Variants in ACHE observed in about 807,000 individuals in gnomAD.
The protein encoded by ACHE is acetylcholinesterase (Yt blood group).
ACHE carries 19 observed loss-of-function variants against 53.9 expected under a neutral mutation model. The ratio of observed to expected loss-of-function variants is 0.35; its 90% CI spans 0.25 to 0.52. The LOEUF is 0.52. Among genes scored for constraint, ACHE ranks in the 20% least tolerant of loss-of-function variants. ACHE has a pLI of 0.95. For synonymous variants in ACHE, 392 were observed against 378.1 expected, an observed-to-expected ratio of 1.04 and a Z score of -0.43; for missense variants, 605 against 849.4, an observed-to-expected ratio of 0.71 and a Z score of 3.58.
chr7:100,894,954 G>A (rs1009762473), intron 1 of ACHE, among the ~76,000 whole-genome samples: 10 of 152,100 alleles, frequency 6.6e-5, no homozygotes, highest in Non-Finnish European at 4.4e-5. Flanking sequence ...CGTGCACGCC[G>A]CCGCCGGCGG....
chr7:100,890,341 G>A lies in ACHE; in HGVS notation c.1724-6C>T. On this transcript the variant is annotated splice_polypyrimidine_tract_variant and splice_region_variant and intron_variant, in intron 4 of 4. Transcript: ENST00000241069. The stretch of plus-strand genomic sequence containing the variant: ...CTCCGCCTCGTCGAGCGTGTCTGCG[G>A]CCAGGGCGCCCAGCGAGGCGGGAGG... The A allele has an allele frequency of 6.2e-7, 1 of 1,602,554 alleles. No individual in the cohort carries two copies. The highest frequency in any genetic ancestry group is 1.1e-5 in the South Asian group (1 of 89,576).
In ACHE at chr7:100,892,385, T is replaced by G; in HGVS notation, c.1502A>C (p.Lys501Thr). Residue 501 changes from lysine to threonine, a missense_variant, in exon 3 of 5, where the codon AAA (lysine) becomes ACA (threonine). Around this residue, in one of 4 missense-constraint regions of ACHE, gnomAD observed 397 missense variants for 632.5 expected, o/e 0.63. Transcript: ENST00000241069. The surrounding 1 kb of genome is among the most constrained non-coding windows in gnomAD (Gnocchi z 5.2). The part of the protein sequence containing the change: ...DPSRNYTAEE[K>T]IFAQRLMRYW... ...TCGCATCAGTCGCTGGGCGAAGATT[T>G]TCTCCTCTGCCGTGTAGTTTCGAGA... The G allele has an allele frequency of 6.6e-7, 1 of 1,516,032 alleles. No homozygotes were observed. Among genetic ancestry groups the G allele is most frequent in the Non-Finnish European group, 8.9e-7 (1 of 1,129,406 alleles). The allele number at this position is 1,516,032 out of a possible 1,614,324, so 93.9% of individuals were successfully genotyped here.
chr7:100,890,298 C>T lies in ACHE; in HGVS notation c.1761G>A (p.Glu587=). Residue 587 remains glutamate, a synonymous_variant, in exon 5 of 5, where the codon GAG becomes GAA. Coordinates refer to ENST00000241069, the MANE Select transcript of ACHE (RefSeq NM_000665.5). The part of the protein sequence containing the change: ...LDEAERQWKA[E]FHRWSSYMVH... Reference sequence around the variant, plus strand: ...CCATGTAGGAGCTCCAGCGGTGGAACTCGGCCTTCCACTGGCGCTCCGCCT... The same window carrying T: ...CCATGTAGGAGCTCCAGCGGTGGAATTCGGCCTTCCACTGGCGCTCCGCCT... The T allele has an allele frequency of 6.2e-7, 1 of 1,608,344 alleles. No individual in the cohort carries two copies. Among genetic ancestry groups the T allele is most frequent in the African/African-American group, 1.3e-5 (1 of 74,954 alleles).
chr7:100,893,747 G>T lies in ACHE; in HGVS notation c.486C>A (p.Asp162Glu), dbSNP rs775092798. 6.2e-7 allele frequency: 1 copy of T among 1,613,694 alleles called. No individual in the cohort carries two copies. Among genetic ancestry groups the T allele is most frequent in the Non-Finnish European group, 8.5e-7 (1 of 1,180,022 alleles). The stretch of plus-strand genomic sequence containing the variant: ...GTACCAAGAAGCGGCCATCGTACAC[G>T]TCCAAGGAGGAGGCCCCACTGTAGA... The part of the protein sequence containing the change: ...GGFYSGASSL[D>E]VYDGRFLVQA... The change falls in exon 2 of 5, where the codon GAC (aspartate) becomes GAA (glutamate). Residue 162 changes from aspartate (D) to glutamate (E), a missense_variant. Physicochemically the swap from Asp to Glu is conservative, Grantham distance 45. Around this residue, in one of 4 missense-constraint regions of ACHE, gnomAD observed 397 missense variants for 632.5 expected, o/e 0.63. Transcript: ENST00000241069.
chr7:100,892,879 A>C lies in ACHE; in HGVS notation c.1069-61T>G. On this transcript the variant is annotated intron_variant, in intron 2 of 4. Coordinates refer to ENST00000241069, the MANE Select transcript of ACHE (RefSeq NM_000665.5). This position sits in a 1 kb window ranked among gnomAD's most constrained non-coding sequence, Gnocchi z 5.2. ...CAGGCACAGACAGACAAGTAGACAG[A>C]AACAGATGGACAGACAAAGAGCCAG... 6.7e-7 allele frequency: 1 copy of C among 1,483,200 alleles called. No individual in the cohort carries two copies. Among genetic ancestry groups the C allele is most frequent in the South Asian group, 1.3e-5 (1 of 75,872 alleles). The allele number at this position is 1,483,200 out of a possible 1,614,324, so 91.9% of individuals were successfully genotyped here.
chr7:100,891,577 AG>A (rs1219612264), intron 3 of ACHE, among the ~76,000 whole-genome samples: 2 of 152,128 alleles, frequency 1.3e-5, no homozygotes, highest in African/African-American at 4.8e-5. Context: ...AAAAATGGCT[AG>A]GATGTCTTGA....
chr7:100,891,549 C>T (rs575169201), intron 3 of ACHE, among the ~76,000 whole-genome samples: 1 of 152,280 alleles, frequency 6.6e-6, no homozygotes, highest in South Asian at 2.1e-4. Flanking sequence ...TCTGTTCCAT[C>T]TTTGTTTCTC....
At chr7:100,890,397 G>A in intron 4 of ACHE, 62 bp from the exon 5 acceptor site, 2 of 1,567,540 alleles carry the variant, frequency 1.3e-6, no homozygotes, top group South Asian at 2.3e-5. Flanking sequence ...TCGGGGATCG[G>A]ACATTTGGGC....
Position 100,892,831 on chromosome 7 carries a change from G to C in ACHE, c.1069-13C>G. The C allele has an allele frequency of 6.4e-7, 1 of 1,561,552 alleles. No individual in the cohort carries two copies. The highest frequency in any genetic ancestry group is 8.6e-7 in the Non-Finnish European group (1 of 1,156,416). On this transcript the variant is annotated splice_polypyrimidine_tract_variant and intron_variant, in intron 2 of 4. Coordinates refer to ENST00000241069, the MANE Select transcript of ACHE (RefSeq NM_000665.5). The surrounding 1 kb of genome is among the most constrained non-coding windows in gnomAD (Gnocchi z 5.2). ...CACCCACCAGCACCTGGGGGTGAGG[G>C]AGAGGGGGGTGGGATGGAGCGACAG...
chr7:100,894,305 G>C lies in ACHE; in HGVS notation c.-20-53C>G, dbSNP rs1790906783. On this transcript the variant is annotated intron_variant, in intron 1 of 4. Coordinates refer to ENST00000241069, the MANE Select transcript of ACHE (RefSeq NM_000665.5). ...GAAGGGTCGGTCGAGAAGCCAGGAGGGAGGAGATTAGGGCACTGTCGGCCC... is the reference window on the plus strand; with the variant it reads ...GAAGGGTCGGTCGAGAAGCCAGGAGCGAGGAGATTAGGGCACTGTCGGCCC... 3 of 1,310,680 alleles carry C rather than the reference G, an allele frequency of 2.3e-6. No homozygotes were observed. The South Asian group carries it at 5.1e-5, about 22-fold the overall frequency. 81.2% of individuals were successfully genotyped at this position (1,310,680 alleles called of 1,614,324 possible).
chr7:100,890,852 G>A, intron 4 of ACHE: 1 of 1,437,848 alleles, frequency 7.0e-7, no homozygotes, highest in Non-Finnish European at 9.1e-7. Flanking sequence ...CTCGGTTTGA[G>A]GAGGAAGGGA....
rs1790785707 is a variant in ACHE at position 100,892,866 on chromosome 7, G to A, written c.1069-48C>T. The A allele has an allele frequency of 1.3e-6, 2 of 1,498,442 alleles. No individual in the cohort carries two copies. Among genetic ancestry groups the A allele is most frequent in the Non-Finnish European group, 8.9e-7 (1 of 1,125,052 alleles). 92.8% of individuals were successfully genotyped at this position (1,498,442 alleles called of 1,614,324 possible). ...TGGGATGGAGCGACAGGCACAGACA[G>A]ACAAGTAGACAGAAACAGATGGACA... On this transcript the variant is annotated intron_variant, in intron 2 of 4. Coordinates refer to ENST00000241069, the MANE Select transcript of ACHE (RefSeq NM_000665.5). The surrounding 1 kb of genome is among the most constrained non-coding windows in gnomAD (Gnocchi z 5.2).
intron 4 of ACHE, chr7:100,890,783 G>A: frequency 1.5e-6 from 2 of 1,357,596 alleles, no homozygotes; most frequent in Non-Finnish European, 9.5e-7. Context: ...AAGGCGTGGG[G>A]GTCCCTGAGA....
rs184546472 is a variant in ACHE, at chr7:100,892,073, C to T, written c.1553+261G>A. ...AAAGGGCTGGAATTACAGGGGTGAG[C>T]CACTGTGCCCCGCCCCCTCCATGTC... On this transcript the variant is annotated intron_variant, in intron 3 of 4. Coordinates refer to ENST00000241069, the MANE Select transcript of ACHE (RefSeq NM_000665.5). The surrounding 1 kb of genome is among the most constrained non-coding windows in gnomAD (Gnocchi z 5.2). 7.0e-4 allele frequency among the ~76,000 whole-genome samples: 107 copies of T among 152,202 alleles called. No homozygotes were observed. Among genetic ancestry groups the T allele is most frequent in the African/African-American group, 2.4e-3 (100 of 41,538 alleles).
intron 2 of ACHE, 38 bp downstream of exon 2, chr7:100,893,127 C>T (rs1362552443): frequency 6.3e-7 from 1 of 1,599,090 alleles, no homozygotes; most frequent in Middle Eastern, 1.7e-4. Flanking sequence ...CGTTGGGACC[C>T]AGAGGAGCCA....
rs746488915 is a variant in ACHE, at chr7:100,892,502, T to C, written c.1385A>G (p.Glu462Gly). Residue 462 changes from glutamate to glycine, a missense_variant, in exon 3 of 5, where the codon GAA becomes GGA. By Grantham distance (98) the Glu-to-Gly change is moderately conservative (BLOSUM62 -2). This residue lies in a region of ACHE where 397 missense variants were observed against 632.5 expected (regional missense o/e 0.63). Coordinates refer to ENST00000241069, the MANE Select transcript of ACHE (RefSeq NM_000665.5). This position sits in a 1 kb window ranked among gnomAD's most constrained non-coding sequence, Gnocchi z 5.2. ...CCAGGAGAGCGTGGAAGCACGGTGT[T>C]CAAAGACGTAGGCGTAGACCCGGGC... ...QGARVYAYVF[E>G]HRASTLSWPL... 3.8e-6 allele frequency: 6 copies of C among 1,595,916 alleles called. No individual in the cohort carries two copies. The South Asian group carries it at 5.5e-5, about 15-fold the overall frequency.
chr7:100,892,755 TG>T lies in ACHE; in HGVS notation c.1131del (p.Phe377LeufsTer25). ...CTGATGAGAGACTCGTTGTCTTTGC[TG>T]AAGCCTGGGGCCCCGTAAACCAGAA... ...SYFLVYGAPG[F>X]SKDNESLISR... is the part of the protein sequence containing the mutation. On this transcript the variant is annotated frameshift_variant, in exon 3 of 5. Transcript: ENST00000241069. LOFTEE classifies it high-confidence loss of function. This position sits in a 1 kb window ranked among gnomAD's most constrained non-coding sequence, Gnocchi z 5.2. 1 of 1,611,410 alleles carries T rather than the reference TG, an allele frequency of 6.2e-7. No individual in the cohort carries two copies. Among genetic ancestry groups the T allele is most frequent in the Non-Finnish European group, 8.5e-7 (1 of 1,179,500 alleles).
At chr7:100,896,693 A>C (rs1017595196), upstream of ACHE, 4 of 306,360 alleles carry the variant, frequency 1.3e-5, no homozygotes, top group Non-Finnish European at 2.8e-5. Flanking sequence ...TTTCGTCACC[A>C]GGGTCCGGTC....
chr7:100,891,027 GC>G (rs1467315614), intron 4 of ACHE, 141 bp downstream of exon 4: 1 of 1,456,954 alleles, frequency 6.9e-7, no homozygotes, highest in Non-Finnish European at 9.1e-7. Flanking sequence ...GCAGGGGGAG[GC>G]CGGGCCTCGG....
Sources: gnomAD v4.1 joint callset for allele counts (sites outside exome capture counted in the v4.1 genomes callset) on GRCh38, gnomAD v4.1.1 for gene constraint, gnomAD v4.1.1 regional missense constraint, Gnocchi (gnomAD v3.1) non-coding constraint, MANE v1.5 for transcripts, NCBI Gene and HGNC (gene_info 2026-07-23, HGNC 2026-07-21) for gene names.